PCDHA4: variants seen among roughly 807,000 people sequenced by gnomAD.
PCDHA4 encodes protocadherin alpha-4.
A neutral mutation model predicts 61.4 loss-of-function variants in PCDHA4; 49 were observed. That is an observed-to-expected ratio of 0.80 (90% confidence interval 0.63 to 1.01). PCDHA4 has a LOEUF of 1.01. PCDHA4 is among the 50% of genes least tolerant of loss of function. PCDHA4 has a pLI of 0.00. For synonymous variants in PCDHA4, 590 were observed against 550.3 expected (o/e 1.07, Z -1.01); for missense variants, 1,254 against 1,235.8 (o/e 1.01, Z -0.22).
intron 1 of PCDHA4, among the ~76,000 whole-genome samples, chr5:140,921,992 C>A (rs963694302): frequency 6.6e-6 from 1 of 151,842 alleles, no homozygotes; most frequent in South Asian, 2.1e-4. Context: ...AAAAAGAGTT[C>A]AATGAAATGA....
chr5:140,929,307 C>T (rs149565434), intron 1 of PCDHA4: 10 of 1,570,046 alleles, frequency 6.4e-6, no homozygotes, highest in Admixed American at 1.8e-5. Context: ...AAGGGGATCA[C>T]GCTAATGTCA....
intron 1 of PCDHA4, chr5:140,828,462 G>C: frequency 1.9e-6 from 3 of 1,614,208 alleles, no homozygotes; most frequent in Non-Finnish European, 2.5e-6. Context: ...GTGGAGGTGA[G>C]GGACATTAAC....
chr5:140,862,657 C>T (rs2047475881), intron 1 of PCDHA4: 2 of 545,364 alleles, frequency 3.7e-6, no homozygotes, highest in South Asian at 2.8e-5. Context: ...CGCGCGGGAC[C>T]GGGACGCGCA....
intron 1 of PCDHA4, chr5:140,824,483 G>T (rs906955863): frequency 8.2e-6 from 3 of 366,610 alleles, no homozygotes; most frequent in Non-Finnish European, 1.5e-5. Context: ...TTATTTTTTA[G>T]AGACCCTTTG....
At chr5:140,945,393 T>G (rs2153669728) in intron 1 of PCDHA4, among the ~76,000 whole-genome samples, 1 of 152,208 alleles carries the variant, frequency 6.6e-6, no homozygotes, top group East Asian at 1.9e-4. Flanking sequence ...AATATACAAA[T>G]TCAATACAAT....
At chr5:140,900,013 T>A (rs1351991303) in intron 1 of PCDHA4, among the ~76,000 whole-genome samples, 1 of 152,062 alleles carries the variant, frequency 6.6e-6, no homozygotes, top group Admixed American at 6.6e-5. Flanking sequence ...TCTCACTTTG[T>A]TACCCAGTTT....
intron 1 of PCDHA4, chr5:140,843,282 A>G: frequency 1.3e-6 from 2 of 1,596,026 alleles, no homozygotes; most frequent in South Asian, 1.1e-5. Context: ...GTGAAGGATC[A>G]TGGTGAACCT....
intron 1 of PCDHA4, chr5:140,927,763 G>C (rs1554205034): frequency 6.2e-7 from 1 of 1,614,198 alleles, no homozygotes; most frequent in African/African-American, 1.3e-5. Context: ...CCCTAAAAGT[G>C]GGGAGGTGCA....
In PCDHA4 at chr5:140,851,114, A is replaced by C; in HGVS notation, c.2385+41542A>C. On this transcript the variant is annotated intron_variant, in intron 1 of 3. Transcript: ENST00000530339. ...TAGATATTTTTTGGGTGCTGAATCA[A>C]TTTTATTTAAATTTGTGATTAAAGT... 6 of 1,305,466 alleles carry C rather than the reference A, an allele frequency of 4.6e-6. 1 individual carries two copies. The highest frequency in any genetic ancestry group is 6.0e-6 in the Non-Finnish European group (6 of 1,007,386). 80.9% of individuals were successfully genotyped at this position (1,305,466 alleles called of 1,614,324 possible).
intron 1 of PCDHA4, among the ~76,000 whole-genome samples, chr5:140,941,202 C>CCTTTCTTCCTTTCTTTCTTTCTTT (rs1394736170): frequency 4.2e-3 from 519 of 122,694 alleles, no homozygotes; most frequent in African/African-American, 7.8e-3. Flanking sequence ...TTTCTTTCTT[C>CCTTTCTTCCTTTCTTTCTTTCTTT]CTTTCTTTCT....
chr5:140,822,334 G>A (rs2150115607), intron 1 of PCDHA4: 40,101 of 1,614,120 alleles, frequency 0.025, 600 homozygotes, highest in Non-Finnish European at 0.03. Flanking sequence ...AAATGAAGAA[G>A]AAACGAACTT....
chr5:140,852,575 CTTTT>C, intron 1 of PCDHA4: 1 of 799,032 alleles, frequency 1.3e-6, no homozygotes, highest in Non-Finnish European at 1.5e-6. Context: ...TGTGCCAAGG[CTTTT>C]TTATTTTTTT....
At chr5:140,938,937 C>T (rs1302555937) in intron 1 of PCDHA4, among the ~76,000 whole-genome samples, 4 of 152,070 alleles carry the variant, frequency 2.6e-5, no homozygotes, top group African/African-American at 9.7e-5. Context: ...TTTAACTTTC[C>T]ATTCTTATAA....
intron 1 of PCDHA4, among the ~76,000 whole-genome samples, chr5:140,916,018 T>C (rs550604062): frequency 6.6e-6 from 1 of 152,254 alleles, no homozygotes; most frequent in East Asian, 1.9e-4. Flanking sequence ...ACAAAGTCTT[T>C]CCCATTCTTC....
At chr5:140,935,093 A>G (rs1182064605) in intron 1 of PCDHA4, among the ~76,000 whole-genome samples, 1 of 152,204 alleles carries the variant, frequency 6.6e-6, no homozygotes, top group Admixed American at 6.5e-5. Context: ...TCCCAGAATC[A>G]GCCATTTTTC....
intron 1 of PCDHA4, among the ~76,000 whole-genome samples, chr5:140,890,344 A>T (rs1482265903): frequency 1.3e-5 from 2 of 152,196 alleles, no homozygotes; most frequent in Admixed American, 6.5e-5. Context: ...GGGATGGTTT[A>T]CTATATAGCA....
chr5:140,856,693 T>C (rs374352563), intron 1 of PCDHA4: 9 of 1,596,766 alleles, frequency 5.6e-6, no homozygotes, highest in African/African-American at 4.0e-5. Flanking sequence ...CAGCAACTGA[T>C]GGAGGCAAAC....
At chr5:140,934,363 T>C (rs1354531260) in intron 1 of PCDHA4, among the ~76,000 whole-genome samples, 3 of 152,170 alleles carry the variant, frequency 2.0e-5, no homozygotes, top group African/African-American at 7.2e-5. Context: ...GCCACTGCTT[T>C]GACTCCTTCT....
chr5:141,001,529 A>T (rs1344687772), intron 3 of PCDHA4, among the ~76,000 whole-genome samples: 1 of 152,106 alleles, frequency 6.6e-6, no homozygotes, highest in Non-Finnish European at 1.5e-5. Context: ...TCTCTCTCTG[A>T]TCCTGGACAG....
Sources: gnomAD v4.1 joint callset for allele counts (sites outside exome capture counted in the v4.1 genomes callset) on GRCh38, gnomAD v4.1.1 for gene constraint, MANE v1.5 for transcripts, NCBI Gene and HGNC (gene_info 2026-07-23, HGNC 2026-07-21) for gene names.